Variants in MKKS observed in about 807,000 individuals in gnomAD.
The protein encoded by MKKS is MKKS centrosomal shuttling protein.
In MKKS, 29 loss-of-function variants were observed where a neutral mutation model predicts 33.2. The ratio of observed to expected loss-of-function variants is 0.87; its 90% CI spans 0.65 to 1.19. The LOEUF is 1.19. MKKS is among the 50% of genes most tolerant of loss of function. The pLI is 0.00. For synonymous variants in MKKS, 260 were observed against 244.0 expected (o/e 1.07, Z -0.61); for missense variants, 661 against 662.3 (o/e 1.00, Z 0.02).
rs2064909641 is a variant in MKKS, at chr20:10,413,325, G to A, written c.190C>T (p.Leu64Phe). 6.2e-7 allele frequency: 1 copy of A among 1,614,194 alleles called. No individual in the cohort carries two copies. Among genetic ancestry groups the A allele is most frequent in the Non-Finnish European group, 8.5e-7 (1 of 1,180,010 alleles). Reference protein sequence around the residue: ...VCTTSQSSALLSHLLVTHPIL... With the variant: ...VCTTSQSSALFSHLLVTHPIL... ...GGATGTGTGACCAAAAGGTGACTGA[G>A]CAGAGCTGAGGACTGTGAGGTTGTA... Residue 64 changes from leucine to phenylalanine, a missense_variant, in exon 3 of 6, where the codon CTC (leucine) becomes TTC (phenylalanine). By Grantham distance (22) the Leu-to-Phe change is conservative (BLOSUM62 0). Transcript: ENST00000347364.
chr20:10,414,068 G>A lies in MKKS; in HGVS notation c.-417-137C>T. ...TAACTGGCACAAACGTCCAGAAAAT[G>A]AGAAAGGTAGACCAACTTTGACTTA... On this transcript the variant is annotated intron_variant, in intron 2 of 5. Coordinates refer to ENST00000347364, the MANE Select transcript of MKKS (RefSeq NM_170784.3). 3 of 370,856 alleles carry A rather than the reference G, an allele frequency of 8.1e-6. No homozygotes were observed. The Admixed American group carries it at 1.4e-4, about 17-fold the overall frequency. 23.0% of individuals were successfully genotyped at this position (370,856 alleles called of 1,614,324 possible). A position where few individuals can be genotyped will look rare whatever the true frequency, so the allele number is the denominator to read the frequency against.
At chr20:10,407,819 AGT>A (rs1273501338) in intron 4 of MKKS, 93 bp from the exon 5 acceptor site, 1 of 960,496 alleles carries the variant, frequency 1.0e-6, no homozygotes, top group East Asian at 2.6e-5. Flanking sequence ...GAATACAGAG[AGT>A]GTGATTTTAA....
chr20:10,411,531 C>G (rs6108559), intron 3 of MKKS, among the ~76,000 whole-genome samples: 1 of 152,068 alleles, frequency 6.6e-6, no homozygotes, highest in African/African-American at 2.4e-5. Context: ...ATACCAACAA[C>G]GAGTTCCAAG....
Position 10,402,592 on chromosome 20 carries a change from G to T in MKKS, c.*2655C>A, listed in dbSNP as rs2064816283. ...TAAAAATGATAGAATTTAAAAAGTG[G>T]CTATCGTGAAAAGTAGAAGCCCCTA... On this transcript the variant is annotated 3_prime_UTR_variant, in exon 6 of 6. Coordinates refer to ENST00000347364, the MANE Select transcript of MKKS (RefSeq NM_170784.3). 6.6e-6 allele frequency: 1 copy of T among 152,130 alleles called. No homozygotes were observed. Among genetic ancestry groups the T allele is most frequent in the Admixed American group, 6.5e-5 (1 of 15,278 alleles). The allele number at this position is 152,130 out of a possible 1,614,324, so 9.4% of individuals were successfully genotyped here.
chr20:10,408,716 T>C lies in MKKS; in HGVS notation c.1073A>G (p.Lys358Arg), dbSNP rs1455491260. The C allele has an allele frequency of 1.2e-6, 2 of 1,614,064 alleles. No homozygotes were observed. The highest frequency in any genetic ancestry group is 1.7e-6 in the Non-Finnish European group (2 of 1,179,964). ...KDVCTAKFGS[K>R]HFFHLIPNEA... ...ATTAGGAATAAGATGAAAAAAATGT[T>C]TGGAGCCAAATTTTGCAGTGCACAC... Residue 358 changes from lysine to arginine, a missense_variant, in exon 4 of 6, where the codon AAA becomes AGA. Lys to Arg is a conservative substitution (Grantham distance 26, BLOSUM62 2). Coordinates refer to ENST00000347364, the MANE Select transcript of MKKS (RefSeq NM_170784.3).
At chr20:10,416,635 G>T (rs1031950750) in intron 2 of MKKS, among the ~76,000 whole-genome samples, 14 of 152,206 alleles carry the variant, frequency 9.2e-5, no homozygotes, top group Non-Finnish European at 1.9e-4. Context: ...CATTAATCTT[G>T]CTTTCCTTGT....
Position 10,405,119 on chromosome 20 carries a change from A to C in MKKS, c.*128T>G, listed in dbSNP as rs1407835222. On this transcript the variant is annotated 3_prime_UTR_variant, in exon 6 of 6. Transcript: ENST00000347364. ...TTTTTCCTAAATAAGTGTATCTATA[A>C]TTTTATGAGTCATTTGTCCAAATAT... The C allele has an allele frequency of 1.4e-6, 1 of 707,618 alleles. No individual in the cohort carries two copies. The highest frequency in any genetic ancestry group is 1.8e-5 in the African/African-American group (1 of 56,046). The allele number at this position is 707,618 out of a possible 1,614,324, so 43.8% of individuals were successfully genotyped here. A position where few individuals can be genotyped will look rare whatever the true frequency, so the allele number is the denominator to read the frequency against.
chr20:10,420,038 G>A (rs2064968185), intron 2 of MKKS, among the ~76,000 whole-genome samples: 1 of 152,152 alleles, frequency 6.6e-6, no homozygotes, highest in South Asian at 2.1e-4. Flanking sequence ...TTGAATTTTG[G>A]AATTATGGAT....
At position 10,405,486 on chromosome 20, in the gene MKKS, C is replaced by T. The variant is rs142327258; in HGVS notation, c.1474G>A (p.Asp492Asn). 1,175 of 1,614,214 alleles carry T rather than the reference C, an allele frequency of 7.3e-4. No individual in the cohort carries two copies. The highest frequency in any genetic ancestry group is 9.5e-4 in the Non-Finnish European group (1,117 of 1,180,038). ...CCACAGCCACACTGTGAAAGCAAATCTGGCCAGTTAGCAACACAGGGAGAA... is the reference window on the plus strand; with the variant it reads ...CCACAGCCACACTGTGAAAGCAAATTTGGCCAGTTAGCAACACAGGGAGAA... The part of the protein sequence containing the change: ...ADSPCVANWP[D>N]LLSQCGCGLY... Residue 492 changes from aspartate to asparagine, a missense_variant, in exon 6 of 6, where the codon GAT becomes AAT. Physicochemically the swap from Asp to Asn is conservative, Grantham distance 23. Coordinates refer to ENST00000347364, the MANE Select transcript of MKKS (RefSeq NM_170784.3).
At chr20:10,427,029 GAC>G (rs377703248) in intron 1 of MKKS, among the ~76,000 whole-genome samples, 10,784 of 130,412 alleles carry the variant, frequency 0.083, 495 homozygotes, top group East Asian at 0.21. Flanking sequence ...AGAAAACACT[GAC>G]ACACACACAC....
intron 3 of MKKS, among the ~76,000 whole-genome samples, 181 bp downstream of exon 3, chr20:10,412,349 T>G (rs144364144): frequency 1.1e-4 from 17 of 152,322 alleles, no homozygotes; most frequent in African/African-American, 3.8e-4. Flanking sequence ...CTATAATCAC[T>G]GCATTTTTAG....
rs1600844779 is a variant in MKKS at position 10,407,808 on chromosome 20, T to G, written c.1162-82A>C. On this transcript the variant is annotated intron_variant, in intron 4 of 5. Transcript: ENST00000347364. ...AAATCATGCTCTCAAAGCATCATAG[T>G]GAATACAGAGAGTGTGATTTTAATT... The G allele has an allele frequency of 3.9e-6, 4 of 1,026,674 alleles. No homozygotes were observed. In the South Asian group the frequency reaches 4.1e-5, roughly 10 times the overall value. 63.6% of individuals were successfully genotyped at this position (1,026,674 alleles called of 1,614,324 possible). A position where few individuals can be genotyped will look rare whatever the true frequency, so the allele number is the denominator to read the frequency against.
intron 1 of MKKS, among the ~76,000 whole-genome samples, chr20:10,424,478 T>A (rs1295915821): frequency 6.6e-6 from 1 of 152,116 alleles, no homozygotes; most frequent in Non-Finnish European, 1.5e-5. Flanking sequence ...TAGTGAAAAA[T>A]CTCCAGTACA....
At chr20:10,425,127 C>A (rs1197310009) in intron 1 of MKKS, among the ~76,000 whole-genome samples, 1 of 151,360 alleles carries the variant, frequency 6.6e-6, no homozygotes, top group Non-Finnish European at 1.5e-5. Context: ...TATAACCTTA[C>A]TTTTTAAAGT....
intron 3 of MKKS, among the ~76,000 whole-genome samples, chr20:10,410,731 G>C (rs2064878366): frequency 6.6e-6 from 1 of 152,148 alleles, no homozygotes; most frequent in African/African-American, 2.4e-5. Flanking sequence ...CAGGAATTTT[G>C]TTTGAAGGCC....
intron 1 of MKKS, among the ~76,000 whole-genome samples, chr20:10,428,177 A>G (rs1279163176): frequency 6.6e-6 from 1 of 152,240 alleles, no homozygotes; most frequent in African/African-American, 2.4e-5. Context: ...GTGGTTTATC[A>G]CAATGGTTGT....
At chr20:10,422,517 AG>A (rs1204371197) in intron 1 of MKKS, among the ~76,000 whole-genome samples, 5 of 152,104 alleles carry the variant, frequency 3.3e-5, no homozygotes, top group Non-Finnish European at 5.9e-5. Flanking sequence ...AATTCTATTA[AG>A]GGCTACTTAC....
At position 10,412,668 on chromosome 20, in the gene MKKS, G is replaced by T. The variant is rs775990526; in HGVS notation, c.847C>A (p.Leu283Ile). The T allele has an allele frequency of 1.9e-6, 3 of 1,614,140 alleles. No individual in the cohort carries two copies. The East Asian group carries it at 6.7e-5, about 36-fold the overall frequency. The part of the protein sequence containing the change: ...LDQLLNLGRQ[L>I]ISDHVDLVLC... Reference sequence around the variant, plus strand: ...ACAAGATCTACGTGGTCACTGATTAGCTGCCTTCCTAGGTTAAGCAGCTGG... The same window carrying T: ...ACAAGATCTACGTGGTCACTGATTATCTGCCTTCCTAGGTTAAGCAGCTGG... The change falls in exon 3 of 6, where the codon CTA becomes ATA. Residue 283 changes from leucine to isoleucine, a missense_variant. Physicochemically the swap from Leu to Ile is conservative, Grantham distance 5. Transcript: ENST00000347364.
At position 10,413,049 on chromosome 20, in the gene MKKS, T is replaced by C. The variant is rs1481441396; in HGVS notation, c.466A>G (p.Ser156Gly). 1 of 1,613,942 alleles carries C rather than the reference T, an allele frequency of 6.2e-7. No individual in the cohort carries two copies. The highest frequency in any genetic ancestry group is 8.5e-7 in the Non-Finnish European group (1 of 1,180,042). The change falls in exon 3 of 6, where the codon AGT becomes GGT. Residue 156 changes from serine to glycine, a missense_variant. By Grantham distance (56) the Ser-to-Gly change is moderately conservative. Coordinates refer to ENST00000347364, the MANE Select transcript of MKKS (RefSeq NM_170784.3). ...CAGGCAGGTTTACTTGTTAATATACTACGCACCAAACAAAGGAGGATCTGA... is the reference window on the plus strand; with the variant it reads ...CAGGCAGGTTTACTTGTTAATATACCACGCACCAAACAAAGGAGGATCTGA... ...STQILLCLVR[S>G]ILTSKPACML...
Sources: allele counts gnomAD v4.1 joint callset (sites outside exome capture counted in the v4.1 genomes callset), GRCh38; gene constraint gnomAD v4.1.1; transcripts MANE v1.5; gene names NCBI Gene and HGNC (gene_info 2026-07-23, HGNC 2026-07-21).